Variants in ETFB observed in about 807,000 individuals in gnomAD.
ETFB encodes beta-ETF.
A neutral mutation model predicts 25.6 loss-of-function variants in ETFB; 20 were observed. The ratio of observed to expected loss-of-function variants is 0.78; its 90% CI spans 0.55 to 1.14. The LOEUF is 1.14. Among genes scored for constraint, ETFB ranks in the 50% most tolerant of loss-of-function variants. ETFB has a pLI of 0.00. For missense variants in ETFB, 286 were observed against 342.6 expected, an observed-to-expected ratio of 0.83 and a Z score of 1.30; for synonymous variants, 142 against 146.7, an observed-to-expected ratio of 0.97 and a Z score of 0.23.
intron 1 of ETFB, among the ~76,000 whole-genome samples, chr19:51,358,411 A>G (rs556631711): frequency 6.6e-6 from 1 of 152,286 alleles, no homozygotes; most frequent in East Asian, 1.9e-4. Context: ...TCCTGTCTGT[A>G]ATCCCAGAAA....
intron 3 of ETFB, among the ~76,000 whole-genome samples, chr19:51,350,951 C>T (rs1380692952): frequency 6.6e-6 from 1 of 152,226 alleles, no homozygotes; most frequent in Non-Finnish European, 1.5e-5. Context: ...AATCAGAGGT[C>T]GCTCTGGGCC....
At chr19:51,358,348 C>T (rs1433901616) in intron 1 of ETFB, among the ~76,000 whole-genome samples, 1 of 152,190 alleles carries the variant, frequency 6.6e-6, no homozygotes, top group Admixed American at 6.5e-5. Context: ...CTGGCTGTGC[C>T]TCATGGAGAG....
intron 1 of ETFB, among the ~76,000 whole-genome samples, chr19:51,357,526 G>C (rs764924886): frequency 9.1e-6 from 1 of 109,368 alleles, no homozygotes; most frequent in East Asian, 2.4e-4. Context: ...GTCTTGCTCT[G>C]TTGTCCAGGA....
chr19:51,361,173 C>T (rs926267861), intron 1 of ETFB, among the ~76,000 whole-genome samples: 1 of 152,078 alleles, frequency 6.6e-6, no homozygotes, highest in Non-Finnish European at 1.5e-5. Context: ...TCAGGTGATC[C>T]GCCCACCTCG....
At chr19:51,354,506 TCTC>T (rs1986027208) in intron 1 of ETFB, 198 bp from the exon 2 acceptor site, 2 of 1,614,082 alleles carry the variant, frequency 1.2e-6, no homozygotes, top group Admixed American at 3.3e-5. Context: ...TGTCTCCTTC[TCTC>T]ATCCAGCCAT....
At position 51,363,446 on chromosome 19, in the gene ETFB, A is replaced by AATT. The variant is rs764314102; in HGVS notation, c.57+2821_57+2823dup. Among the ~76,000 whole-genome samples, 113 of 151,754 alleles carry AATT rather than the reference A, an allele frequency of 7.4e-4. 1 individual carries two copies. In the East Asian group the frequency reaches 8.0e-3, roughly 11 times the overall value. ...GAGGCGATGCCAGGGAGAATCACTA[A>AATT]ATTATTATTATTATTATTTTGAGAC... is the stretch of plus-strand genomic sequence containing the variant. On this transcript the variant is annotated intron_variant, in intron 1 of 5. Transcript: ENST00000309244.
At chr19:51,364,228 G>A (rs1986298169) in intron 1 of ETFB, among the ~76,000 whole-genome samples, 1 of 152,152 alleles carries the variant, frequency 6.6e-6, no homozygotes, top group African/African-American at 2.4e-5. Flanking sequence ...ACAGCTTTGG[G>A]AGAAGGGAAA....
chr19:51,345,357 C>A lies in ETFB; in HGVS notation c.622G>T (p.Val208Leu), dbSNP rs11559094. ...IMKAKKKKIE[V>L]IKPGDLGVDL... ...ACACCCAGGTCCCCAGGCTTGATCA[C>A]CTCGATCTTCTTCTTCTTGGCTTTC... The change falls in exon 6 of 6, where the codon GTG (valine) becomes TTG (leucine). Residue 208 changes from valine (V) to leucine (L), a missense_variant. Val to Leu is a conservative substitution (Grantham distance 32). Transcript: ENST00000309244. 6.2e-7 allele frequency: 1 copy of A among 1,614,086 alleles called. No individual in the cohort carries two copies. Among genetic ancestry groups the A allele is most frequent in the East Asian group, 2.2e-5 (1 of 44,874 alleles).
intron 1 of ETFB, among the ~76,000 whole-genome samples, chr19:51,357,743 G>A (rs185951012): frequency 2.4e-4 from 36 of 152,162 alleles, no homozygotes; most frequent in Non-Finnish European, 3.8e-4. Context: ...CACCCACCTC[G>A]GCCTCTCAAA....
chr19:51,357,478 TTTTC>T lies in ETFB; in HGVS notation c.58-3174_58-3171del, dbSNP rs1467130087. ...ATTTCTTGGCCCACCACAATCCTTT[TTTTC>T]TTTCTTTCTTTTTTTTTTTTTTTTT... On this transcript the variant is annotated intron_variant, in intron 1 of 5. Transcript: ENST00000309244. Among the ~76,000 whole-genome samples the T allele has an allele frequency of 1.1e-3, 112 of 105,352 alleles. 8 individuals carry two copies. Among genetic ancestry groups the T allele is most frequent in the African/African-American group, 1.8e-3 (52 of 28,692 alleles). The allele number at this position is 105,352 out of a possible 152,430, so 69.1% of individuals were successfully genotyped here.
chr19:51,362,204 C>CAT (rs60638050), intron 1 of ETFB, among the ~76,000 whole-genome samples: 23,419 of 144,932 alleles, frequency 0.16, 2,440 homozygotes, highest in Middle Eastern at 0.25. Context: ...CACACACACA[C>CAT]GAATACACTC....
intron 5 of ETFB, chr19:51,346,565 A>C: frequency 3.4e-6 from 1 of 294,186 alleles, no homozygotes; most frequent in Non-Finnish European, 6.5e-6. Flanking sequence ...AAAAATTACC[A>C]AGGGGACCCT....
intron 1 of ETFB, among the ~76,000 whole-genome samples, chr19:51,358,335 A>C (rs570850992): frequency 1.3e-5 from 2 of 152,156 alleles, no homozygotes; most frequent in African/African-American, 4.8e-5. Flanking sequence ...GGGGCTTCCC[A>C]CTCTGGCTGT....
intron 3 of ETFB, among the ~76,000 whole-genome samples, chr19:51,350,609 T>C (rs1599840621): frequency 6.6e-6 from 1 of 152,100 alleles, no homozygotes; most frequent in Non-Finnish European, 1.5e-5. Flanking sequence ...CTCAGCCTCC[T>C]GAGTAGCTGG....
chr19:51,358,574 G>A (rs563899804), intron 1 of ETFB, among the ~76,000 whole-genome samples: 30 of 152,192 alleles, frequency 2.0e-4, no homozygotes, highest in East Asian at 1.9e-4. Flanking sequence ...CAAGGTGGGC[G>A]GATCACCTGA....
chr19:51,358,734 A>T (rs1288080824), intron 1 of ETFB, among the ~76,000 whole-genome samples: 4 of 151,888 alleles, frequency 2.6e-5, no homozygotes, highest in Non-Finnish European at 2.9e-5. Flanking sequence ...GCTTGAACCC[A>T]GGAGGTGGAG....
Position 51,354,134 on chromosome 19 carries a change from C to G in ETFB, c.216+16G>C. 5.0e-6 allele frequency: 8 copies of G among 1,612,954 alleles called. No homozygotes were observed. Among genetic ancestry groups the G allele is most frequent in the Non-Finnish European group, 5.1e-6 (6 of 1,179,690 alleles). ...CAGACCCAGGAGTCCAGCCCCCTCC[C>G]CAAGACCTTCATCACCTGGCACTGT... On this transcript the variant is annotated intron_variant, in intron 2 of 5. Coordinates refer to ENST00000309244, the MANE Select transcript of ETFB (RefSeq NM_001985.3).
chr19:51,358,831 CAAAAA>C (rs112821668), intron 1 of ETFB, among the ~76,000 whole-genome samples: 8 of 134,166 alleles, frequency 6.0e-5, no homozygotes, highest in Non-Finnish European at 7.7e-5. Context: ...CAAACAACAA[CAAAAA>C]AAAAAAAAAA....
chr19:51,354,785 A>G lies in ETFB; in HGVS notation c.58-477T>C, dbSNP rs539314435. On this transcript the variant is annotated intron_variant, in intron 1 of 5. Coordinates refer to ENST00000309244, the MANE Select transcript of ETFB (RefSeq NM_001985.3). Reference sequence around the variant, plus strand: ...GCCTGAAAAATCACAGCTACAGGCAACAATAGAGCAGCCTGGGGAAAACTC... The same window carrying G: ...GCCTGAAAAATCACAGCTACAGGCAGCAATAGAGCAGCCTGGGGAAAACTC... 2.9e-4 allele frequency: 247 copies of G among 854,588 alleles called. No homozygotes were observed. In the Middle Eastern group the frequency reaches 4.5e-3, roughly 16 times the overall value. The allele number at this position is 854,588 out of a possible 1,614,324, so 52.9% of individuals were successfully genotyped here.
Sources: gnomAD v4.1 joint callset for allele counts (sites outside exome capture counted in the v4.1 genomes callset) on GRCh38, gnomAD v4.1.1 for gene constraint, MANE v1.5 for transcripts, NCBI Gene and HGNC (gene_info 2026-07-23, HGNC 2026-07-21) for gene names.